Variants in ARID1B observed in about 807,000 individuals in gnomAD.
The protein encoded by ARID1B is AT-rich interactive domain-containing protein 1B.
ARID1B carries 30 observed loss-of-function variants against 212.3 expected under a neutral mutation model. The ratio of observed to expected loss-of-function variants is 0.14; its 90% confidence interval spans 0.11 to 0.19. ARID1B has a LOEUF of 0.19. Among genes scored for constraint, ARID1B ranks in the 10% least tolerant of loss-of-function variants. ARID1B has a pLI of 1.00. For synonymous variants in ARID1B, 1,402 were observed against 1,301.7 expected (o/e 1.08, Z -1.66); for missense variants, 2,891 against 3,204.0 (o/e 0.90, Z 2.36).
chr6:157,208,631 AT>A lies in ARID1B; in HGVS notation c.*746del. Reference sequence around the variant, plus strand: ...ACAGTTCTTCACAATTCCTTTCATCATTTTTTAAATATTTTTTTTACTGCCT... The same window carrying A: ...ACAGTTCTTCACAATTCCTTTCATCATTTTTAAATATTTTTTTTACTGCCT... On this transcript the variant is annotated 3_prime_UTR_variant, in exon 20 of 20. Coordinates refer to ENST00000636930, the MANE Select transcript of ARID1B (RefSeq NM_001374828.1). 4.4e-6 allele frequency: 1 copy of A among 229,680 alleles called. No individual in the cohort carries two copies. Among genetic ancestry groups the A allele is most frequent in the Non-Finnish European group, 8.6e-6 (1 of 116,716 alleles). The allele number at this position is 229,680 out of a possible 1,614,324, so 14.2% of individuals were successfully genotyped here.
Position 156,901,453 on chromosome 6 carries a change from G to A in ARID1B, c.2064G>A (p.Pro688=), listed in dbSNP as rs1001469413. The change falls in exon 3 of 20, where the codon CCG becomes CCA. Residue 688 remains proline, a synonymous_variant. Coordinates refer to ENST00000636930, the MANE Select transcript of ARID1B (RefSeq NM_001374828.1). ...AACAGCCATATTACAGCCAGCAGCC[G>A]CAGCCCCCGCACCTCCCACCCCAGG... The part of the protein sequence containing the change: ...QGQQPYYSQQ[P]QPPHLPPQAQ... The A allele has an allele frequency of 5.0e-6, 8 of 1,613,954 alleles. No individual in the cohort carries two copies. Among genetic ancestry groups the A allele is most frequent in the African/African-American group, 2.7e-5 (2 of 74,892 alleles).
At chr6:156,876,058 C>A (rs1218736646) in intron 2 of ARID1B, among the ~76,000 whole-genome samples, 1 of 152,040 alleles carries the variant, frequency 6.6e-6, no homozygotes, top group African/African-American at 2.4e-5. Context: ...ATACACTGTC[C>A]TTTTTGAAGT....
At chr6:157,063,635 A>G (rs1231028825) in intron 4 of ARID1B, among the ~76,000 whole-genome samples, 1 of 152,240 alleles carries the variant, frequency 6.6e-6, no homozygotes, top group Non-Finnish European at 1.5e-5. Flanking sequence ...TGTGTGTAAA[A>G]TATAAAACTC....
At chr6:157,177,623 T>C (rs1792189173) in intron 11 of ARID1B, among the ~76,000 whole-genome samples, 1 of 152,242 alleles carries the variant, frequency 6.6e-6, no homozygotes, top group South Asian at 2.1e-4. Context: ...TGGTAAAGAC[T>C]GCTGAAATGT....
chr6:156,834,953 G>A (rs1229852712), intron 2 of ARID1B, among the ~76,000 whole-genome samples: 1 of 152,112 alleles, frequency 6.6e-6, no homozygotes, highest in Non-Finnish European at 1.5e-5. Flanking sequence ...AATATTTTTG[G>A]GCCGGGCGCG....
rs752642190 is a variant in ARID1B at position 157,174,007 on chromosome 6, G to A, written c.3236-1G>A. On this transcript the variant is annotated splice_acceptor_variant, in intron 9 of 19. Coordinates refer to ENST00000636930, the MANE Select transcript of ARID1B (RefSeq NM_001374828.1). LOFTEE classifies it high-confidence loss of function. ...AAACTCTTTCTCCTGTTTTCGATTA[G>A]CATCTGTGGGTCTTGCAGATATGAT... 6.2e-6 allele frequency: 10 copies of A among 1,612,836 alleles called. No homozygotes were observed. The highest frequency in any genetic ancestry group is 1.7e-5 in the Admixed American group (1 of 59,986).
chr6:156,815,225 T>C (rs1007636231), intron 1 of ARID1B, among the ~76,000 whole-genome samples: 1 of 152,188 alleles, frequency 6.6e-6, no homozygotes, highest in African/African-American at 2.4e-5. Flanking sequence ...TATCTTGATA[T>C]AGACATATCC....
intron 4 of ARID1B, among the ~76,000 whole-genome samples, chr6:157,009,288 A>G (rs961260378): frequency 1.3e-5 from 2 of 152,216 alleles, no homozygotes; most frequent in African/African-American, 2.4e-5. Flanking sequence ...CAAGGTGGTA[A>G]TGGCGTGCAA....
chr6:156,794,663 C>G (rs1472837992), intron 1 of ARID1B, among the ~76,000 whole-genome samples: 2 of 149,158 alleles, frequency 1.3e-5, no homozygotes, highest in Admixed American at 6.8e-5. Flanking sequence ...TGATGGCAAC[C>G]TCTCTCTCCT....
In ARID1B at chr6:156,905,250, GCACACACACACACACA is replaced by G. The variant is rs138326649; in HGVS notation, c.2136+3742_2136+3757del. 7.6e-5 allele frequency among the ~76,000 whole-genome samples: 11 copies of G among 143,838 alleles called. No homozygotes were observed. The South Asian group carries it at 1.8e-3, about 24-fold the overall frequency. The allele number at this position is 143,838 out of a possible 152,430, so 94.4% of individuals were successfully genotyped here. A position where few individuals can be genotyped will look rare whatever the true frequency, so the allele number is the denominator to read the frequency against. ...GAATCAATTGTGCTCACATATGCAC[GCACACACACACACACA>G]CACACACACACACACAGATTTATTA... On this transcript the variant is annotated intron_variant, in intron 3 of 19. Coordinates refer to ENST00000636930, the MANE Select transcript of ARID1B (RefSeq NM_001374828.1).
chr6:157,025,131 C>T (rs1280346017), intron 4 of ARID1B, among the ~76,000 whole-genome samples: 1 of 152,148 alleles, frequency 6.6e-6, no homozygotes, highest in Non-Finnish European at 1.5e-5. Flanking sequence ...AAACTTTGAC[C>T]TCCTCCATAA....
At chr6:157,090,537 CTGTT>C (rs1785211675) in intron 5 of ARID1B, among the ~76,000 whole-genome samples, 1 of 152,228 alleles carries the variant, frequency 6.6e-6, no homozygotes, top group Admixed American at 6.5e-5. Flanking sequence ...TAATGAGTAG[CTGTT>C]TGTTTCATGG....
chr6:157,044,154 T>C, intron 4 of ARID1B, among the ~76,000 whole-genome samples: 1 of 152,262 alleles, frequency 6.6e-6, no homozygotes, highest in Admixed American at 6.5e-5. Context: ...AATCTATTTA[T>C]TGTATTCTAC....
At chr6:156,810,081 G>A (rs1781457794) in intron 1 of ARID1B, among the ~76,000 whole-genome samples, 1 of 152,212 alleles carries the variant, frequency 6.6e-6, no homozygotes, top group South Asian at 2.1e-4. Context: ...ATAGGAAGGG[G>A]AAAAATAACT....
At chr6:156,822,606 G>T (rs1361910578) in intron 1 of ARID1B, among the ~76,000 whole-genome samples, 1 of 152,226 alleles carries the variant, frequency 6.6e-6, no homozygotes. Flanking sequence ...AGAGTCTTTA[G>T]TGCCCACTTT....
chr6:156,871,772 G>GCCCTCAGCCTCCCATCTA, intron 2 of ARID1B: 2 of 1,194,398 alleles, frequency 1.7e-6, no homozygotes, highest in Non-Finnish European at 2.4e-6. Flanking sequence ...TCTTAGATGG[G>GCCCTCAGCCTCCCATCTA]AGGCTGAGGG....
chr6:157,175,587 A>G (rs1377499101), intron 11 of ARID1B: 2 of 152,238 alleles, frequency 1.3e-5, no homozygotes, highest in Non-Finnish European at 2.9e-5. Context: ...TTAGTTTAAT[A>G]ATGTGTACCT....
intron 2 of ARID1B, among the ~76,000 whole-genome samples, chr6:156,897,249 C>CTTATTATTA (rs1165510857): frequency 1.3e-3 from 130 of 100,780 alleles, no homozygotes; most frequent in Middle Eastern, 4.9e-3. Context: ...TCTTCTTCTT[C>CTTATTATTA]TTCTTCTTCT....
chr6:157,201,131 C>T lies in ARID1B; in HGVS notation c.4906C>T (p.Pro1636Ser). 1.9e-6 allele frequency: 3 copies of T among 1,614,194 alleles called. No individual in the cohort carries two copies. Among genetic ancestry groups the T allele is most frequent in the South Asian group, 1.1e-5 (1 of 91,082 alleles). Reference sequence around the variant, plus strand: ...GAGGATAAATCATGAGAGCCAGTGGCCTTCTCACGTCAGCCAGCGTCAGCC... The same window carrying T: ...GAGGATAAATCATGAGAGCCAGTGGTCTTCTCACGTCAGCCAGCGTCAGCC... ...DQRINHESQW[P>S]SHVSQRQPYM... is the part of the protein sequence containing the mutation. Residue 1636 changes from proline to serine, a missense_variant, in exon 18 of 20, where the codon CCT becomes TCT. Physicochemically the swap from Pro to Ser is moderately conservative, Grantham distance 74. Coordinates refer to ENST00000636930, the MANE Select transcript of ARID1B (RefSeq NM_001374828.1). This position sits in a 1 kb window ranked among gnomAD's most constrained non-coding sequence, Gnocchi z 5.2.
Sources: allele counts gnomAD v4.1 joint callset (sites outside exome capture counted in the v4.1 genomes callset), GRCh38; gene constraint gnomAD v4.1.1; non-coding constraint Gnocchi (gnomAD v3.1); transcripts MANE v1.5; gene names NCBI Gene and HGNC (gene_info 2026-07-23, HGNC 2026-07-21).